Variants in TBX5 observed in about 807,000 individuals in gnomAD.
The protein encoded by TBX5 is T-box transcription factor TBX5.
TBX5 carries 8 observed loss-of-function variants against 51.1 expected under a neutral mutation model. That is an observed-to-expected ratio of 0.16 (90% CI 0.09 to 0.28). The LOEUF (loss-of-function observed/expected upper bound fraction) is 0.28. TBX5 is among the 10% of genes least tolerant of loss of function. TBX5 has a pLI of 1.00. For missense variants in TBX5, 589 were observed against 671.7 expected (o/e 0.88, Z 1.36); for synonymous variants, 302 against 266.4 (o/e 1.13, Z -1.30).
chr12:114,405,582 A>G (rs1872160469), intron 1 of TBX5, 46 bp downstream of exon 1: 1 of 524,498 alleles, frequency 1.9e-6, no homozygotes, highest in South Asian at 8.2e-5. Flanking sequence ...GACTCGGCCG[A>G]CGAGCTCCCT....
At chr12:114,407,632 C>T (rs1872309443), upstream of TBX5, among the ~76,000 whole-genome samples, 1 of 152,208 alleles carries the variant, frequency 6.6e-6, no homozygotes, top group African/African-American at 2.4e-5. Flanking sequence ...TAGGGATTTT[C>T]AAACCTTTCG....
Position 114,388,739 on chromosome 12 carries a change from C to CTT in TBX5, c.664-3174_664-3173dup, listed in dbSNP as rs36014296. 8.2e-4 allele frequency among the ~76,000 whole-genome samples: 79 copies of CTT among 96,894 alleles called. 3 individuals carry two copies. The South Asian group carries it at 0.01, about 12-fold the overall frequency. The allele number at this position is 96,894 out of a possible 152,430, so 63.6% of individuals were successfully genotyped here. On this transcript the variant is annotated intron_variant, in intron 6 of 8. Coordinates refer to ENST00000405440, the MANE Select transcript of TBX5 (RefSeq NM_181486.4). ...GTGTACACATTCTCCCTCCCTCAAC[C>CTT]TTTTTTTTTTTTTTTTTAGGTTTTC...
At chr12:114,367,524 C>T (rs2136375313) in intron 7 of TBX5, among the ~76,000 whole-genome samples, 1 of 152,236 alleles carries the variant, frequency 6.6e-6, no homozygotes, top group East Asian at 1.9e-4. Context: ...CCAGGTGTTC[C>T]CATTTTTTTT....
chr12:114,394,700 G>A, intron 6 of TBX5, 41 bp downstream of exon 6: 1 of 1,613,462 alleles, frequency 6.2e-7, no homozygotes, highest in South Asian at 1.1e-5. Flanking sequence ...AAAAGAAAGA[G>A]CAGACGGCCC....
chr12:114,390,269 C>T (rs533963019), intron 6 of TBX5, among the ~76,000 whole-genome samples: 1 of 152,240 alleles, frequency 6.6e-6, no homozygotes, highest in African/African-American at 2.4e-5. Context: ...CACTCACATA[C>T]TGTAACCATG....
At chr12:114,390,085 G>T (rs1871078718) in intron 6 of TBX5, among the ~76,000 whole-genome samples, 1 of 152,144 alleles carries the variant, frequency 6.6e-6, no homozygotes, top group Non-Finnish European at 1.5e-5. Context: ...ATCATAGCTT[G>T]CAAAAATATG....
intron 6 of TBX5, among the ~76,000 whole-genome samples, chr12:114,389,149 A>G (rs1238967772): frequency 6.6e-6 from 1 of 151,646 alleles, no homozygotes; most frequent in Non-Finnish European, 1.5e-5. Flanking sequence ...GCTGCTCTTG[A>G]ACTCCTGGCC....
intron 5 of TBX5, among the ~76,000 whole-genome samples, chr12:114,395,591 T>A (rs944455306): frequency 6.6e-5 from 10 of 152,036 alleles, no homozygotes; most frequent in Non-Finnish European, 1.3e-4. Flanking sequence ...CCCACACCCC[T>A]CAAAGAAGGG....
Position 114,392,203 on chromosome 12 carries a change from A to G in TBX5, c.663+2538T>C, listed in dbSNP as rs531410271. ...TAAAAAAAAAAAAAAAAAAAAAATCACACATACACACCCCATTGGGCAGGC... is the reference window on the plus strand; with the variant it reads ...TAAAAAAAAAAAAAAAAAAAAAATCGCACATACACACCCCATTGGGCAGGC... On this transcript the variant is annotated intron_variant, in intron 6 of 8. Coordinates refer to ENST00000405440, the MANE Select transcript of TBX5 (RefSeq NM_181486.4). Among the ~76,000 whole-genome samples, 3 of 150,186 alleles carry G rather than the reference A, an allele frequency of 2.0e-5. No individual in the cohort carries two copies. The East Asian group carries it at 5.9e-4, about 30-fold the overall frequency.
intron 7 of TBX5, among the ~76,000 whole-genome samples, chr12:114,367,257 G>GAAAGAAAAGAGAAAGAAAGA (rs143414934): frequency 0.28 from 42,858 of 150,390 alleles, 6,653 homozygotes; most frequent in East Asian, 0.37. Flanking sequence ...AAAAAGGAAA[G>GAAAGAAAAGAGAAAGAAAGA]AAAGAAAAGA....
chr12:114,383,900 G>A (rs1052940609), intron 7 of TBX5, among the ~76,000 whole-genome samples: 59 of 152,132 alleles, frequency 3.9e-4, no homozygotes, highest in Non-Finnish European at 1.3e-4. Flanking sequence ...AACTTTGCCT[G>A]TAGGACTGAG....
intron 8 of TBX5, 162 bp downstream of exon 8, chr12:114,366,003 T>C: frequency 1.2e-6 from 1 of 852,112 alleles, no homozygotes; most frequent in Non-Finnish European, 1.9e-6. Flanking sequence ...CTTTTTGTTT[T>C]AGCTGTTTGG....
intron 2 of TBX5, among the ~76,000 whole-genome samples, chr12:114,402,543 A>G (rs1175475602): frequency 1.3e-5 from 2 of 152,240 alleles, no homozygotes; most frequent in African/African-American, 2.4e-5. Flanking sequence ...CTTACAGTCC[A>G]GAAGGATAAT....
intron 7 of TBX5, among the ~76,000 whole-genome samples, chr12:114,368,690 C>G (rs1012422273): frequency 6.6e-6 from 1 of 152,180 alleles, no homozygotes; most frequent in African/African-American, 2.4e-5. Flanking sequence ...TTTTGGGGTA[C>G]AAGACTCTTT....
At chr12:114,378,780 G>A (rs1159964012) in intron 7 of TBX5, among the ~76,000 whole-genome samples, 1 of 152,104 alleles carries the variant, frequency 6.6e-6, no homozygotes, top group Non-Finnish European at 1.5e-5. Flanking sequence ...GGGATTACAG[G>A]TGAGCACCAC....
intron 7 of TBX5, among the ~76,000 whole-genome samples, chr12:114,374,767 C>A (rs990733882): frequency 1.3e-5 from 2 of 152,148 alleles, no homozygotes; most frequent in African/African-American, 4.8e-5. Context: ...ACCTAAAATA[C>A]AGGAGTGTGA....
At chr12:114,395,000 C>T (rs761277813) in intron 5 of TBX5, 107 bp from the exon 6 acceptor site, 10 of 1,065,130 alleles carry the variant, frequency 9.4e-6, no homozygotes, top group Non-Finnish European at 1.4e-5. Context: ...TATCGGCTCT[C>T]GAAAAATAGA....
chr12:114,371,777 G>A lies in TBX5; in HGVS notation c.756-5386C>T, dbSNP rs560639223. 2.6e-5 allele frequency among the ~76,000 whole-genome samples: 4 copies of A among 152,146 alleles called. No individual in the cohort carries two copies. In the South Asian group the frequency reaches 8.3e-4, roughly 32 times the overall value. On this transcript the variant is annotated intron_variant, in intron 7 of 8. Coordinates refer to ENST00000405440, the MANE Select transcript of TBX5 (RefSeq NM_181486.4). ...AAGGGGGCCACATCACCCCTTGAGA[G>A]CTTTCTTGATTTCTTAACATTCTAA...
At chr12:114,406,199 C>A (rs375459207), upstream of TBX5, 1 of 177,160 alleles carries the variant, frequency 5.6e-6, no homozygotes, top group African/African-American at 2.5e-5. Flanking sequence ...CCCCTTCTCT[C>A]TCCCTCCCAC....
Sources: gnomAD v4.1 joint callset for allele counts (sites outside exome capture counted in the v4.1 genomes callset) on GRCh38, gnomAD v4.1.1 for gene constraint, MANE v1.5 for transcripts, NCBI Gene and HGNC (gene_info 2026-07-23, HGNC 2026-07-21) for gene names.